Variants in MCTP1 observed in about 807,000 individuals in gnomAD.
The protein encoded by MCTP1 is multiple C2 and transmembrane domain containing 1.
MCTP1 carries 69 observed loss-of-function variants against 120.6 expected under a neutral mutation model. The ratio of observed to expected loss-of-function variants is 0.57; its 90% CI spans 0.47 to 0.70. The LOEUF (loss-of-function observed/expected upper bound fraction) is 0.70. MCTP1 is among the 30% of genes least tolerant of loss of function. The pLI, the probability that MCTP1 is intolerant of heterozygous loss-of-function variation, is 0.00. For missense variants in MCTP1, 1,203 were observed against 1,248.8 expected, an observed-to-expected ratio of 0.96 and a Z score of 0.55; for synonymous variants, 529 against 493.1, an observed-to-expected ratio of 1.07 and a Z score of -0.96.
chr5:94,825,992 C>A, intron 17 of MCTP1: 1 of 289,112 alleles, frequency 3.5e-6, no homozygotes, highest in South Asian at 4.8e-5. Flanking sequence ...TGATCTGGTC[C>A]TCCCTGTTGC....
intron 1 of MCTP1, among the ~76,000 whole-genome samples, chr5:95,149,474 G>A (rs1422146426): frequency 1.8e-5 from 2 of 111,104 alleles, no homozygotes; most frequent in African/African-American, 7.1e-5. Context: ...TTCAGGCAAG[G>A]ACAGAGCCAC....
At chr5:95,069,944 C>T (rs1282958775) in intron 1 of MCTP1, among the ~76,000 whole-genome samples, 2 of 152,170 alleles carry the variant, frequency 1.3e-5, no homozygotes, top group African/African-American at 2.4e-5. Context: ...ACCTTGTGAT[C>T]CACCCACCTC....
In MCTP1 at chr5:94,770,953, G is replaced by T. The variant is rs144693363; in HGVS notation, c.2610+8157C>A. 5.4e-3 allele frequency among the ~76,000 whole-genome samples: 814 copies of T among 152,146 alleles called. 5 individuals carry two copies. Among genetic ancestry groups the T allele is most frequent in the Non-Finnish European group, 7.7e-3 (522 of 68,006 alleles). ...TTCTTTCGCCAAGTCAGTGTTTCCA[G>T]CACTTATTGACATGAAACTGAAAAG... is the stretch of plus-strand genomic sequence containing the variant. On this transcript the variant is annotated intron_variant, in intron 19 of 22. Transcript: ENST00000515393.
chr5:94,730,878 G>A (rs1420650922), intron 19 of MCTP1, among the ~76,000 whole-genome samples: 1 of 151,686 alleles, frequency 6.6e-6, no homozygotes, highest in Non-Finnish European at 1.5e-5. Context: ...TCTGAGTTCT[G>A]GATCATAGTT....
chr5:95,016,317 A>G (rs1001291680), intron 2 of MCTP1, among the ~76,000 whole-genome samples: 7 of 152,114 alleles, frequency 4.6e-5, no homozygotes, highest in African/African-American at 1.7e-4. Context: ...CACCCAGACA[A>G]GAATGTTTGA....
intron 2 of MCTP1, among the ~76,000 whole-genome samples, chr5:95,005,199 C>A (rs530365533): frequency 4.6e-5 from 7 of 152,168 alleles, no homozygotes; most frequent in African/African-American, 1.7e-4. Flanking sequence ...CAATTTTTCC[C>A]TTTTTTTAAT....
chr5:95,184,979 C>T (rs1749035767), intron 1 of MCTP1, among the ~76,000 whole-genome samples: 1 of 152,156 alleles, frequency 6.6e-6, no homozygotes, highest in South Asian at 2.1e-4. Context: ...ATTCTGATCC[C>T]CGAATGCTCA....
intron 1 of MCTP1, among the ~76,000 whole-genome samples, chr5:95,196,202 A>G (rs912180912): frequency 3.9e-5 from 6 of 152,226 alleles, no homozygotes; most frequent in Non-Finnish European, 8.8e-5. Context: ...ATGCAGGGAT[A>G]CGGCTTATAC....
At chr5:95,033,920 C>T (rs538966556) in intron 1 of MCTP1, among the ~76,000 whole-genome samples, 1 of 152,116 alleles carries the variant, frequency 6.6e-6, no homozygotes, top group African/African-American at 2.4e-5. Flanking sequence ...TTTCTATACA[C>T]CAATAATGTT....
intron 11 of MCTP1, among the ~76,000 whole-genome samples, chr5:94,892,008 T>G (rs1368156112): frequency 1.3e-5 from 2 of 152,124 alleles, no homozygotes; most frequent in African/African-American, 4.8e-5. Flanking sequence ...ATTTTTTTAA[T>G]GAAAGGCTGT....
At chr5:94,887,386 A>G (rs1801576829) in intron 12 of MCTP1, among the ~76,000 whole-genome samples, 2 of 152,154 alleles carry the variant, frequency 1.3e-5, no homozygotes, top group Admixed American at 6.6e-5. Flanking sequence ...TAGTTTGCAT[A>G]TTCATGAAGT....
At chr5:95,025,912 A>C (rs1220668931) in intron 1 of MCTP1, among the ~76,000 whole-genome samples, 2 of 152,196 alleles carry the variant, frequency 1.3e-5, no homozygotes, top group African/African-American at 4.8e-5. Context: ...TTTCTTATAG[A>C]TATCATGAAA....
At chr5:95,185,062 C>T (rs1218291989) in intron 1 of MCTP1, among the ~76,000 whole-genome samples, 2 of 152,140 alleles carry the variant, frequency 1.3e-5, no homozygotes, top group Admixed American at 1.3e-4. Context: ...ACTCTTTTTC[C>T]ATTACAGTTC....
chr5:94,977,549 A>G (rs1234198339), intron 2 of MCTP1, among the ~76,000 whole-genome samples: 1 of 152,152 alleles, frequency 6.6e-6, no homozygotes, highest in Non-Finnish European at 1.5e-5. Flanking sequence ...AGCTGGAGGC[A>G]TCATACTTCC....
intron 19 of MCTP1, among the ~76,000 whole-genome samples, chr5:94,743,390 A>G (rs1191464526): frequency 6.6e-6 from 1 of 151,926 alleles, no homozygotes; most frequent in Non-Finnish European, 1.5e-5. Context: ...ACAGCAGAGA[A>G]GACAGAAATA....
At chr5:95,040,239 A>G (rs1581979647) in intron 1 of MCTP1, among the ~76,000 whole-genome samples, 1 of 151,996 alleles carries the variant, frequency 6.6e-6, no homozygotes, top group South Asian at 2.1e-4. Flanking sequence ...AGTTTGAGAC[A>G]AGCCTGGCCA....
chr5:94,744,803 C>T (rs953854156), intron 19 of MCTP1, among the ~76,000 whole-genome samples: 1 of 152,154 alleles, frequency 6.6e-6, no homozygotes, highest in Non-Finnish European at 1.5e-5. Flanking sequence ...AGCCACCGCG[C>T]CCAGCCACCA....
chr5:94,844,334 A>G (rs868313123), intron 17 of MCTP1, among the ~76,000 whole-genome samples: 5 of 151,510 alleles, frequency 3.3e-5, no homozygotes, highest in African/African-American at 9.7e-5. Flanking sequence ...AAAGAAAAAG[A>G]AAAAAAGAAA....
intron 1 of MCTP1, among the ~76,000 whole-genome samples, chr5:95,148,200 T>C (rs1055639014): frequency 6.6e-6 from 1 of 152,156 alleles, no homozygotes; most frequent in Non-Finnish European, 1.5e-5. Context: ...TTGTATAGTA[T>C]CTCATAGGGG....
Sources: gnomAD v4.1 joint callset for allele counts (sites outside exome capture counted in the v4.1 genomes callset) on GRCh38, gnomAD v4.1.1 for gene constraint, MANE v1.5 for transcripts, NCBI Gene and HGNC (gene_info 2026-07-23, HGNC 2026-07-21) for gene names.